The following CACNG2 variants were observed in gnomAD, a reference collection of about 807,000 sequenced individuals.
The protein encoded by CACNG2 is voltage-dependent calcium channel gamma-2 subunit.
Under a neutral mutation model 25.9 loss-of-function variants are expected in CACNG2, and 3 were observed. That is an observed-to-expected ratio of 0.12 (90% CI 0.05 to 0.30). The LOEUF is 0.30. CACNG2 is among the 10% of genes least tolerant of loss of function. CACNG2 has a pLI of 1.00. For synonymous variants in CACNG2, 167 were observed against 173.3 expected (o/e 0.96, Z 0.29); for missense variants, 341 against 432.5 (o/e 0.79, Z 1.88).
chr22:36,587,532 C>G lies in CACNG2; in HGVS notation c.228G>C (p.Leu76=). The stretch of plus-strand genomic sequence containing the variant: ...CTGGGAAGTGATCAATTTGCTTGCA[C>G]AGACCTTTGAAATTCCCTGCAAAAC... The part of the protein sequence containing the change: ...TCCLEGNFKG[L]CKQIDHFPED... Residue 76 remains leucine (L), a synonymous_variant, in exon 2 of 4, where the codon CTG becomes CTC. Transcript: ENST00000300105. The G allele has an allele frequency of 6.2e-7, 1 of 1,613,256 alleles. No individual in the cohort carries two copies. Among genetic ancestry groups the G allele is most frequent in the Admixed American group, 1.7e-5 (1 of 60,020 alleles).
At chr22:36,683,960 T>C (rs1056815559) in intron 1 of CACNG2, among the ~76,000 whole-genome samples, 3 of 152,188 alleles carry the variant, frequency 2.0e-5, no homozygotes, top group Non-Finnish European at 4.4e-5. Flanking sequence ...AGAAAGGCCC[T>C]TACAGTCCAG....
intron 1 of CACNG2, among the ~76,000 whole-genome samples, chr22:36,679,189 C>CTTTCTTTCTTT (rs1937058688): frequency 5.5e-4 from 38 of 69,338 alleles, no homozygotes; most frequent in African/African-American, 2.2e-3. Context: ...TTCCTTCCTT[C>CTTTCTTTCTTT]CTTCCTTCCT....
Position 36,681,513 on chromosome 22 carries a change from A to C in CACNG2, c.211+20853T>G, listed in dbSNP as rs1046653334. On this transcript the variant is annotated intron_variant, in intron 1 of 3. Transcript: ENST00000300105. ...GCTTACTGAATTAAATTTGAGCATC[A>C]GCCTTTGGGCAGGAACAGAATTAAA... is the stretch of plus-strand genomic sequence containing the variant. Among the ~76,000 whole-genome samples, 2 of 151,186 alleles carry C rather than the reference A, an allele frequency of 1.3e-5. 1 individual carries two copies. Among genetic ancestry groups the C allele is most frequent in the East Asian group, 3.9e-4 (2 of 5,150 alleles).
At chr22:36,672,103 TAGC>T (rs1338192208) in intron 1 of CACNG2, among the ~76,000 whole-genome samples, 1 of 152,118 alleles carries the variant, frequency 6.6e-6, no homozygotes, top group East Asian at 1.9e-4. Flanking sequence ...GGGGTTGCTA[TAGC>T]TACACAGATT....
intron 2 of CACNG2, among the ~76,000 whole-genome samples, chr22:36,570,419 C>A (rs1436728728): frequency 6.6e-6 from 1 of 152,174 alleles, no homozygotes; most frequent in Non-Finnish European, 1.5e-5. Context: ...CACAGAAGAG[C>A]CAGCCCCAAG....
intron 1 of CACNG2, among the ~76,000 whole-genome samples, chr22:36,635,283 C>CAAAAA (rs138390510): frequency 1.5e-5 from 1 of 67,612 alleles, no homozygotes; most frequent in Non-Finnish European, 3.7e-5. Flanking sequence ...GACCCCGTCT[C>CAAAAA]AAAAAAAAAA....
intron 1 of CACNG2, among the ~76,000 whole-genome samples, chr22:36,603,246 T>C (rs1220318442): frequency 6.6e-6 from 1 of 152,232 alleles, no homozygotes; most frequent in Non-Finnish European, 1.5e-5. Flanking sequence ...AGTAAGGCCC[T>C]AACTCTCTTC....
rs750884147 is a variant in CACNG2 at position 36,564,587 on chromosome 22, G to T, written c.736C>A (p.Pro246Thr). The change falls in exon 4 of 4, where the codon CCC (proline) becomes ACC (threonine). Residue 246 changes from proline to threonine, a missense_variant. By Grantham distance (38) the Pro-to-Thr change is conservative. This residue lies in a region of CACNG2 where 172 missense variants were observed against 178.1 expected (regional missense o/e 0.97). Coordinates refer to ENST00000300105, the MANE Select transcript of CACNG2 (RefSeq NM_006078.5). The surrounding 1 kb of genome is among the most constrained non-coding windows in gnomAD (Gnocchi z 6.7). ...RSRSSSRSTEPSHSRDASPVG... is the reference protein window; with the variant it reads ...RSRSSSRSTETSHSRDASPVG... ...GGGGAGGCGTCCCTGGAGTGTGAGG[G>T]CTCCGTGGAGCGCGAGCTGGAGCGG... 6.2e-7 allele frequency: 1 copy of T among 1,613,922 alleles called. No homozygotes were observed. The highest frequency in any genetic ancestry group is 8.5e-7 in the Non-Finnish European group (1 of 1,179,974).
At position 36,690,380 on chromosome 22, in the gene CACNG2, A is replaced by T. The variant is rs1411174054; in HGVS notation, c.211+11986T>A. 2.0e-5 allele frequency among the ~76,000 whole-genome samples: 3 copies of T among 152,210 alleles called. No individual in the cohort carries two copies. The East Asian group carries it at 5.8e-4, about 29-fold the overall frequency. ...TTTTTTTTTCCCCCCAAGGAACCAA[A>T]AATGTGGATTTTTATGGGAAAGTTT... On this transcript the variant is annotated intron_variant, in intron 1 of 3. Transcript: ENST00000300105.
intron 2 of CACNG2, among the ~76,000 whole-genome samples, chr22:36,582,409 TC>T (rs67389110): frequency 0.01 from 1,455 of 144,788 alleles, 29 homozygotes; most frequent in African/African-American, 0.024. Context: ...TTTCTTTCTT[TC>T]TTTTTTTTTT....
intron 1 of CACNG2, among the ~76,000 whole-genome samples, chr22:36,618,851 C>T (rs900435902): frequency 1.7e-4 from 26 of 152,176 alleles, no homozygotes; most frequent in Non-Finnish European, 2.6e-4. Context: ...ACCTGGGAGT[C>T]GGAGGTTGCA....
chr22:36,577,860 A>T (rs570939464), intron 2 of CACNG2, among the ~76,000 whole-genome samples: 3 of 152,018 alleles, frequency 2.0e-5, no homozygotes, highest in Non-Finnish European at 2.9e-5. Context: ...TCTGGAGGGG[A>T]TGTCTCTCAG....
Position 36,579,001 on chromosome 22 carries a change from A to G in CACNG2, c.295+8464T>C, listed in dbSNP as rs369104637. On this transcript the variant is annotated intron_variant, in intron 2 of 3. Coordinates refer to ENST00000300105, the MANE Select transcript of CACNG2 (RefSeq NM_006078.5). ...CCTCCCCGCACAGCAGCCTCGTCCTACATTCCCAGCCTCAGAGAAGGGCAG... is the reference window on the plus strand; with the variant it reads ...CCTCCCCGCACAGCAGCCTCGTCCTGCATTCCCAGCCTCAGAGAAGGGCAG... Among the ~76,000 whole-genome samples, 39 of 152,246 alleles carry G rather than the reference A, an allele frequency of 2.6e-4. No homozygotes were observed. The South Asian group carries it at 7.9e-3, about 31-fold the overall frequency.
At chr22:36,603,538 G>T (rs576061157) in intron 1 of CACNG2, among the ~76,000 whole-genome samples, 1 of 152,296 alleles carries the variant, frequency 6.6e-6, no homozygotes, top group Admixed American at 6.5e-5. Flanking sequence ...AGAGGTCAAT[G>T]GTTGGCTTCA....
chr22:36,699,092 A>C (rs1364446836), intron 1 of CACNG2, among the ~76,000 whole-genome samples: 1 of 152,118 alleles, frequency 6.6e-6, no homozygotes. Context: ...TCATCTTTCC[A>C]TGCAGAGACT....
chr22:36,619,540 T>C (rs1301140288), intron 1 of CACNG2, among the ~76,000 whole-genome samples: 2 of 152,222 alleles, frequency 1.3e-5, no homozygotes, highest in African/African-American at 4.8e-5. Context: ...TCTGCTAATG[T>C]TTTCAGTTTG....
chr22:36,614,506 C>A (rs1935994790), intron 1 of CACNG2, among the ~76,000 whole-genome samples: 1 of 152,196 alleles, frequency 6.6e-6, no homozygotes, highest in Non-Finnish European at 1.5e-5. Flanking sequence ...TGCTTCCTTG[C>A]CTGTCTCCTC....
intron 1 of CACNG2, among the ~76,000 whole-genome samples, chr22:36,677,385 C>G (rs953257758): frequency 2.0e-5 from 3 of 152,154 alleles, no homozygotes; most frequent in African/African-American, 4.8e-5. Context: ...CTCTAAGAAG[C>G]CTTAAGCTTT....
At chr22:36,590,144 T>C (rs1041299182) in intron 1 of CACNG2, among the ~76,000 whole-genome samples, 1 of 152,112 alleles carries the variant, frequency 6.6e-6, no homozygotes, top group Non-Finnish European at 1.5e-5. Flanking sequence ...GAACAGGAGC[T>C]CACATTCTAC....
Sources: gnomAD v4.1 joint callset for allele counts (sites outside exome capture counted in the v4.1 genomes callset) on GRCh38, gnomAD v4.1.1 for gene constraint, gnomAD v4.1.1 regional missense constraint, Gnocchi (gnomAD v3.1) non-coding constraint, MANE v1.5 for transcripts, NCBI Gene and HGNC (gene_info 2026-07-23, HGNC 2026-07-21) for gene names.